Variants in GTF2IRD1 observed in about 807,000 individuals in gnomAD.
The protein encoded by GTF2IRD1 is general transcription factor II-I repeat domain-containing protein 1.
GTF2IRD1 carries 26 observed loss-of-function variants against 113.2 expected under a neutral mutation model. The ratio of observed to expected loss-of-function variants is 0.23; its 90% CI spans 0.17 to 0.32. GTF2IRD1 has a LOEUF of 0.32. Ranked by LOEUF, GTF2IRD1 falls within the 10% of genes least tolerant of loss-of-function variation. The pLI is 1.00. For synonymous variants in GTF2IRD1, 484 were observed against 529.1 expected (o/e 0.91, Z 1.17); for missense variants, 864 against 1,280.8 (o/e 0.67, Z 4.97).
intron 1 of GTF2IRD1, among the ~76,000 whole-genome samples, chr7:74,464,278 T>C (rs1793572631): frequency 6.6e-6 from 1 of 152,122 alleles, no homozygotes; most frequent in Non-Finnish European, 1.5e-5. Context: ...CAGGTGGGCA[T>C]GAATGAAGCA....
intron 1 of GTF2IRD1, among the ~76,000 whole-genome samples, chr7:74,501,842 GGGTTT>G (rs1554339620): frequency 6.6e-6 from 1 of 152,010 alleles, no homozygotes; most frequent in African/African-American, 2.4e-5. Flanking sequence ...AGTAGAGGTG[GGGTTT>G]CACCATATTG....
intron 22 of GTF2IRD1, among the ~76,000 whole-genome samples, chr7:74,565,058 A>G (rs1800210584): frequency 3.5e-4 from 1 of 2,856 alleles, no homozygotes; most frequent in African/African-American, 2.1e-3. Flanking sequence ...CTCGGGTTGC[A>G]GAGGGATGGG....
intron 22 of GTF2IRD1, among the ~76,000 whole-genome samples, chr7:74,560,471 CATAATAAAAAATATAT>C (rs1799879507): frequency 7.0e-6 from 1 of 143,614 alleles, no homozygotes; most frequent in Admixed American, 7.0e-5. Flanking sequence ...AAAATATATA[CATAATAAAAAATATAT>C]ATAATAAAAA....
chr7:74,477,347 G>A (rs73135344), intron 1 of GTF2IRD1, among the ~76,000 whole-genome samples: 212 of 111,038 alleles, frequency 1.9e-3, no homozygotes, highest in Middle Eastern at 4.4e-3. Flanking sequence ...CTGGGCGACA[G>A]TTTTTTTTTT....
At chr7:74,515,344 G>C (rs1554344321) in intron 3 of GTF2IRD1, 97 bp from the exon 4 acceptor site, 1 of 1,534,188 alleles carries the variant, frequency 6.5e-7, no homozygotes, top group Admixed American at 2.0e-5. Context: ...TTGTGTGCCA[G>C]TCTCCGCAGC....
At chr7:74,585,810 A>C (rs1338862921) in intron 22 of GTF2IRD1, among the ~76,000 whole-genome samples, 1 of 151,972 alleles carries the variant, frequency 6.6e-6, no homozygotes. Context: ...TGAACCCAGC[A>C]GGCAGAGGTT....
chr7:74,506,542 C>G (rs183359745), intron 1 of GTF2IRD1: 1 of 152,218 alleles, frequency 6.6e-6, no homozygotes, highest in African/African-American at 2.4e-5. Flanking sequence ...GCCCTGCTCT[C>G]TGCCATCAAC....
At chr7:74,556,264 AAG>A (rs587693569) in intron 19 of GTF2IRD1, among the ~76,000 whole-genome samples, 23 of 149,512 alleles carry the variant, frequency 1.5e-4, no homozygotes, top group South Asian at 2.1e-4. Context: ...AAAAAAAAGA[AAG>A]AGAGAGAGAG....
intron 2 of GTF2IRD1, among the ~76,000 whole-genome samples, chr7:74,509,540 AT>A (rs1462014177): frequency 1.3e-5 from 2 of 152,150 alleles, no homozygotes; most frequent in African/African-American, 4.8e-5. Flanking sequence ...AATTAAAAAA[AT>A]TTTTTTAAAT....
intron 22 of GTF2IRD1, among the ~76,000 whole-genome samples, chr7:74,564,165 T>C (rs1800150721): frequency 6.6e-6 from 1 of 152,098 alleles, no homozygotes; most frequent in Admixed American, 6.6e-5. Context: ...TAGCTGGAAT[T>C]ACAGGTGTGC....
chr7:74,535,349 T>C (rs1798232363), intron 10 of GTF2IRD1, among the ~76,000 whole-genome samples: 1 of 152,154 alleles, frequency 6.6e-6, no homozygotes, highest in Non-Finnish European at 1.5e-5. Context: ...CAGCTTCAAA[T>C]GCCCTGGACA....
chr7:74,518,284 C>T lies in GTF2IRD1; in HGVS notation c.567C>T (p.Ile189=), dbSNP rs1331181720. 6.8e-6 allele frequency: 11 copies of T among 1,606,076 alleles called. No homozygotes were observed. Among genetic ancestry groups the T allele is most frequent in the Non-Finnish European group, 8.5e-6 (10 of 1,174,634 alleles). Residue 189 remains isoleucine (I), a synonymous_variant, in exon 5 of 27, where the codon ATC becomes ATT. Coordinates refer to ENST00000424337, the MANE Select transcript of GTF2IRD1 (RefSeq NM_005685.4). The part of the protein sequence containing the change: ...AEYDPKALMA[I]LEHSHRIRFK... ...ATGACCCCAAGGCCCTCATGGCCAT[C>T]CTGGAACACAGCCACCGCATCCGCT... is the stretch of plus-strand genomic sequence containing the variant.
intron 8 of GTF2IRD1, among the ~76,000 whole-genome samples, chr7:74,525,077 T>C (rs587731082): frequency 6.6e-6 from 1 of 152,132 alleles, no homozygotes; most frequent in South Asian, 2.1e-4. Context: ...TCAGGGGAAC[T>C]ATCCATAAGG....
intron 1 of GTF2IRD1, among the ~76,000 whole-genome samples, chr7:74,490,439 G>A (rs1442423591): frequency 6.6e-6 from 1 of 151,998 alleles, no homozygotes; most frequent in African/African-American, 2.4e-5. Flanking sequence ...GTGGGGGAGG[G>A]CAGGAATCCA....
Position 74,555,532 on chromosome 7 carries a change from A to G in GTF2IRD1, c.2023+38A>G, listed in dbSNP as rs775129888. On this transcript the variant is annotated intron_variant, in intron 19 of 26. Transcript: ENST00000424337. The surrounding 1 kb of genome is among the most constrained non-coding windows in gnomAD (Gnocchi z 5.3). ...TCACGGGGAGGTCTGTTGTCCCAGCACCAGGACATTGACCTGGTTTGGGTT... is the reference window on the plus strand; with the variant it reads ...TCACGGGGAGGTCTGTTGTCCCAGCGCCAGGACATTGACCTGGTTTGGGTT... 2.3e-6 allele frequency: 3 copies of G among 1,312,366 alleles called. No homozygotes were observed. The highest frequency in any genetic ancestry group is 3.3e-6 in the Non-Finnish European group (3 of 906,010). The allele number at this position is 1,312,366 out of a possible 1,614,324, so 81.3% of individuals were successfully genotyped here. A position where few individuals can be genotyped will look rare whatever the true frequency, so the allele number is the denominator to read the frequency against.
intron 1 of GTF2IRD1, among the ~76,000 whole-genome samples, chr7:74,458,635 C>G (rs1793153290): frequency 6.8e-6 from 1 of 148,062 alleles, no homozygotes; most frequent in African/African-American, 2.5e-5. Flanking sequence ...TCAGGAAAGC[C>G]CCCTGGTCCA....
At chr7:74,563,256 G>C (rs782119496) in intron 22 of GTF2IRD1, among the ~76,000 whole-genome samples, 30 of 152,114 alleles carry the variant, frequency 2.0e-4, no homozygotes, top group Non-Finnish European at 1.3e-4. Flanking sequence ...TGAGGCTTCG[G>C]GAACTTTCCA....
chr7:74,546,372 C>T (rs1554353264), intron 16 of GTF2IRD1, among the ~76,000 whole-genome samples: 2 of 151,956 alleles, frequency 1.3e-5, no homozygotes, highest in African/African-American at 4.8e-5. Context: ...CAGGCACCTG[C>T]CACCATACCC....
At chr7:74,529,398 C>T (rs587691113) in intron 8 of GTF2IRD1, among the ~76,000 whole-genome samples, 11 of 152,168 alleles carry the variant, frequency 7.2e-5, no homozygotes, top group Admixed American at 5.2e-4. Flanking sequence ...GGACCACAGG[C>T]GTGCACCACC....
Sources: allele counts gnomAD v4.1 joint callset (sites outside exome capture counted in the v4.1 genomes callset), GRCh38; gene constraint gnomAD v4.1.1; non-coding constraint Gnocchi (gnomAD v3.1); transcripts MANE v1.5; gene names NCBI Gene and HGNC (gene_info 2026-07-23, HGNC 2026-07-21).